NETO1: variants seen among roughly 807,000 people sequenced by gnomAD.
The protein encoded by NETO1 is neuropilin and tolloid-like protein 1.
Under a neutral mutation model 61.3 loss-of-function variants are expected in NETO1, and 26 were observed. The observed-to-expected ratio is 0.42, with a 90% CI of 0.31 to 0.59. NETO1 has a LOEUF of 0.59. Ranked by LOEUF, NETO1 falls within the 20% of genes least tolerant of loss-of-function variation. The pLI, the probability that NETO1 is intolerant of heterozygous loss-of-function variation, is 0.12. For missense variants in NETO1, 531 were observed against 662.8 expected (o/e 0.80, Z 2.18); for synonymous variants, 225 against 225.8 (o/e 1.00, Z 0.03).
chr18:72,865,566 A>T, intron 1 of NETO1: 1 of 1,607,178 alleles, frequency 6.2e-7, no homozygotes. Flanking sequence ...CACTGTATCT[A>T]AACTACCCTT....
intron 7 of NETO1, among the ~76,000 whole-genome samples, chr18:72,758,674 A>G (rs887465469): frequency 6.6e-6 from 1 of 151,976 alleles, no homozygotes; most frequent in Non-Finnish European, 1.5e-5. Flanking sequence ...CGTCCCTACT[A>G]AAAATATAAA....
chr18:72,795,777 T>C (rs2072290673), intron 4 of NETO1, among the ~76,000 whole-genome samples: 1 of 152,212 alleles, frequency 6.6e-6, no homozygotes, highest in South Asian at 2.1e-4. Flanking sequence ...ATCTACATTC[T>C]GGCAATTTTC....
chr18:72,828,389 A>G (rs1005847427), intron 4 of NETO1, among the ~76,000 whole-genome samples: 4 of 150,760 alleles, frequency 2.7e-5, no homozygotes, highest in Non-Finnish European at 5.9e-5. Flanking sequence ...GAAGCAACAT[A>G]CAATAAATCT....
intron 4 of NETO1, among the ~76,000 whole-genome samples, chr18:72,815,942 G>GA (rs1481708708): frequency 6.6e-6 from 1 of 152,166 alleles, no homozygotes; most frequent in Non-Finnish European, 1.5e-5. Context: ...GTACTCAACA[G>GA]AATGTTGAAA....
At position 72,785,035 on chromosome 18, in the gene NETO1, A is replaced by G. The variant is rs9962869; in HGVS notation, c.640-1129T>C. ...GGGATACCTAGAATGGTTTCCTAAT[A>G]AAGACACATCTTTCATACAGATATC... On this transcript the variant is annotated intron_variant, in intron 6 of 10. Transcript: ENST00000327305. Among the ~76,000 whole-genome samples the G allele has an allele frequency of 3.2e-3, 481 of 152,360 alleles. 4 individuals are homozygous for G. Among genetic ancestry groups the G allele is most frequent in the African/African-American group, 0.011 (444 of 41,582 alleles).
chr18:72,766,781 A>G (rs1463263734), intron 7 of NETO1, among the ~76,000 whole-genome samples: 1 of 134,550 alleles, frequency 7.4e-6, no homozygotes, highest in Admixed American at 7.4e-5. Context: ...CATTCCATAT[A>G]TAAAAAATCT....
intron 1 of NETO1, chr18:72,866,996 A>T (rs1332515080): frequency 1.1e-5 from 5 of 445,480 alleles, no homozygotes; most frequent in Non-Finnish European, 1.6e-5. Context: ...CCTGAACTGC[A>T]CGCTATCCTC....
chr18:72,838,565 G>T (rs1399910206), intron 4 of NETO1, among the ~76,000 whole-genome samples: 1 of 152,132 alleles, frequency 6.6e-6, no homozygotes, highest in African/African-American at 2.4e-5. Context: ...AGGCTCCTCC[G>T]CCCAGACTCC....
intron 9 of NETO1, 112 bp downstream of exon 9, chr18:72,749,950 A>T: frequency 1.2e-6 from 1 of 834,140 alleles, no homozygotes; most frequent in Non-Finnish European, 1.8e-6. Flanking sequence ...ACTAGGGTTT[A>T]AATCATTAAT....
chr18:72,836,937 G>A (rs1300419965), intron 4 of NETO1, among the ~76,000 whole-genome samples: 1 of 152,240 alleles, frequency 6.6e-6, no homozygotes, highest in African/African-American at 2.4e-5. Context: ...CTGTAGGAAT[G>A]GAGAAAAGGA....
intron 8 of NETO1, 47 bp from the exon 9 acceptor site, chr18:72,750,667 C>A (rs763221598): frequency 8.0e-6 from 11 of 1,368,048 alleles, no homozygotes; most frequent in Non-Finnish European, 1.1e-5. Flanking sequence ...AAAGAAGAAG[C>A]AACGCAGCAA....
chr18:72,850,733 G>A (rs1044784652), intron 4 of NETO1, among the ~76,000 whole-genome samples: 4 of 152,112 alleles, frequency 2.6e-5, no homozygotes, highest in African/African-American at 9.7e-5. Context: ...TATTTGTTTT[G>A]TTTTTGTCAT....
intron 7 of NETO1, among the ~76,000 whole-genome samples, chr18:72,781,706 G>A (rs1006242002): frequency 6.6e-6 from 1 of 152,128 alleles, no homozygotes; most frequent in African/African-American, 2.4e-5. Flanking sequence ...TAACATTTAC[G>A]AATTTAAAAC....
chr18:72,814,893 A>T (rs1280716567), intron 4 of NETO1, among the ~76,000 whole-genome samples: 2 of 152,058 alleles, frequency 1.3e-5, no homozygotes, highest in Admixed American at 1.3e-4. Flanking sequence ...TTCAAAGAGA[A>T]ATAAAAATCT....
chr18:72,828,675 C>T lies in NETO1; in HGVS notation c.469+30151G>A, dbSNP rs997278243. Among the ~76,000 whole-genome samples the T allele has an allele frequency of 2.0e-4, 30 of 152,064 alleles. 1 individual carries two copies. The highest frequency in any genetic ancestry group is 6.8e-4 in the African/African-American group (28 of 41,406). ...AGAAATAAACAAAAGGAAATCCATA[C>T]CTAGACACATGGCAATAGAATTGCT... On this transcript the variant is annotated intron_variant, in intron 4 of 10. Transcript: ENST00000327305.
intron 4 of NETO1, among the ~76,000 whole-genome samples, chr18:72,838,213 A>G (rs922256978): frequency 1.6e-4 from 24 of 152,190 alleles, no homozygotes; most frequent in African/African-American, 5.8e-4. Flanking sequence ...AAGGAGAAAA[A>G]GTTTGTACCT....
chr18:72,780,264 T>TGAAAGAACATATTGGGATGG (rs1396206078), intron 7 of NETO1, among the ~76,000 whole-genome samples: 2 of 152,216 alleles, frequency 1.3e-5, no homozygotes, highest in Non-Finnish European at 1.5e-5. Context: ...TTGTCCACTG[T>TGAAAGAACATATTGGGATGG]GAAAGAACAT....
chr18:72,829,551 A>T (rs941750810), intron 4 of NETO1, among the ~76,000 whole-genome samples: 3 of 152,214 alleles, frequency 2.0e-5, no homozygotes, highest in Non-Finnish European at 4.4e-5. Context: ...ATTTAAATGT[A>T]TATTTAAATG....
chr18:72,833,801 A>G (rs1341830706), intron 4 of NETO1, among the ~76,000 whole-genome samples: 1 of 152,206 alleles, frequency 6.6e-6, no homozygotes, highest in South Asian at 2.1e-4. Context: ...ACTAGTCTTC[A>G]TTTTAAAACA....
Sources: allele counts gnomAD v4.1 joint callset (sites outside exome capture counted in the v4.1 genomes callset), GRCh38; gene constraint gnomAD v4.1.1; transcripts MANE v1.5; gene names NCBI Gene and HGNC (gene_info 2026-07-23, HGNC 2026-07-21).